PHACTR1: variants seen among roughly 807,000 people sequenced by gnomAD.
PHACTR1 encodes phosphatase and actin regulator 1.
PHACTR1 carries 16 observed loss-of-function variants against 69.2 expected under a neutral mutation model. That is an observed-to-expected ratio of 0.23 (90% confidence interval 0.16 to 0.35). The LOEUF (loss-of-function observed/expected upper bound fraction) is 0.35, where lower values mean the gene tolerates loss of function less well. Among genes scored for constraint, PHACTR1 ranks in the 10% least tolerant of loss-of-function variants. The probability of loss-of-function intolerance (pLI) is 1.00; values close to 1 mark genes in which losing one functional copy is unlikely to be tolerated. For missense variants in PHACTR1, 510 were observed against 734.7 expected, an observed-to-expected ratio of 0.69 and a Z score of 3.54; for synonymous variants, 312 against 284.5, an observed-to-expected ratio of 1.10 and a Z score of -0.97.
At chr6:12,728,949 G>A (rs754914267) in intron 3 of PHACTR1, among the ~76,000 whole-genome samples, 8 of 152,086 alleles carry the variant, frequency 5.3e-5, no homozygotes, top group Non-Finnish European at 1.2e-4. Flanking sequence ...AGTCATATAG[G>A]AATGACTAAA....
At chr6:12,755,820 T>C (rs1767246097) in intron 4 of PHACTR1, among the ~76,000 whole-genome samples, 1 of 152,220 alleles carries the variant, frequency 6.6e-6, no homozygotes. Flanking sequence ...AAGATCTATA[T>C]TTCCCCTTTA....
In PHACTR1 at chr6:13,203,541, A is replaced by G. The variant is rs530904643; in HGVS notation, c.665-2274A>G. Among the ~76,000 whole-genome samples, 4 of 152,286 alleles carry G rather than the reference A, an allele frequency of 2.6e-5. No individual in the cohort carries two copies. In the East Asian group the frequency reaches 5.8e-4, roughly 22 times the overall value. ...CCTGCTATCATCATTAACACGATTA[A>G]CACGGACATAATATGCATCCACGTT... On this transcript the variant is annotated intron_variant, in intron 7 of 14. Transcript: ENST00000332995.
At chr6:12,979,192 G>A (rs551682601) in intron 4 of PHACTR1, among the ~76,000 whole-genome samples, 1 of 152,342 alleles carries the variant, frequency 6.6e-6, no homozygotes, top group Admixed American at 6.5e-5. Flanking sequence ...CCTTTCTTCA[G>A]GTGGAGGAGG....
At chr6:13,028,295 T>C (rs1801984725) in intron 4 of PHACTR1, among the ~76,000 whole-genome samples, 1 of 152,228 alleles carries the variant, frequency 6.6e-6, no homozygotes, top group Non-Finnish European at 1.5e-5. Flanking sequence ...GATTCCTTTG[T>C]GATTTGTTCT....
At chr6:13,217,619 GA>G (rs142661129) in intron 8 of PHACTR1, among the ~76,000 whole-genome samples, 4 of 148,042 alleles carry the variant, frequency 2.7e-5, no homozygotes, top group East Asian at 2.0e-4. Flanking sequence ...TACCACTGCT[GA>G]AAAAAAAAAC....
At chr6:13,224,503 T>C (rs1027094005) in intron 8 of PHACTR1, among the ~76,000 whole-genome samples, 3 of 152,174 alleles carry the variant, frequency 2.0e-5, no homozygotes, top group Non-Finnish European at 2.9e-5. Context: ...CGTGACATTA[T>C]GTTTAAGCTA....
intron 5 of PHACTR1, among the ~76,000 whole-genome samples, chr6:13,114,358 G>A (rs1231825613): frequency 6.6e-6 from 1 of 151,990 alleles, no homozygotes; most frequent in African/African-American, 2.4e-5. Context: ...TCATATTCTT[G>A]GTACATTCTT....
intron 6 of PHACTR1, among the ~76,000 whole-genome samples, chr6:13,177,377 C>CTATA (rs770416066): frequency 2.3e-5 from 3 of 131,582 alleles, no homozygotes; most frequent in Non-Finnish European, 5.0e-5. Context: ...CTCTCTCTCT[C>CTATA]TCTCTATATA....
At chr6:12,958,865 G>A (rs952559912) in intron 4 of PHACTR1, among the ~76,000 whole-genome samples, 15 of 152,116 alleles carry the variant, frequency 9.9e-5, no homozygotes, top group African/African-American at 3.6e-4. Flanking sequence ...TGAGTTGAAT[G>A]TATCTGATAG....
At chr6:13,193,431 A>G (rs1460528497) in intron 7 of PHACTR1, among the ~76,000 whole-genome samples, 3 of 139,684 alleles carry the variant, frequency 2.1e-5, no homozygotes, top group Non-Finnish European at 4.7e-5. Context: ...ATGTTGTCCA[A>G]CTTGGAGTGC....
At chr6:13,147,214 A>C (rs1223530) in intron 5 of PHACTR1, among the ~76,000 whole-genome samples, 143,743 of 152,304 alleles carry the variant, frequency 0.94, 68,233 homozygotes, top group Non-Finnish European at 0.99. Flanking sequence ...TATTTCTCAT[A>C]ATTCTCAGAA....
At chr6:12,949,463 G>A (rs1256125417) in intron 4 of PHACTR1, among the ~76,000 whole-genome samples, 1 of 152,050 alleles carries the variant, frequency 6.6e-6, no homozygotes, top group Admixed American at 6.6e-5. Context: ...CATTGGGAGG[G>A]AAGACTAAGT....
At chr6:12,751,877 C>T (rs1185537624) in intron 4 of PHACTR1, among the ~76,000 whole-genome samples, 1 of 152,208 alleles carries the variant, frequency 6.6e-6, no homozygotes, top group East Asian at 1.9e-4. Context: ...CTGGTCTGTA[C>T]TGCAGTCAGG....
chr6:12,718,702 T>C lies in PHACTR1; in HGVS notation c.-43T>C. ...GATTTTTTTTTCCTCTTTATAGGTGTTCCAGTGTTTTCTCTCAAAACTCTG... is the reference window on the plus strand; with the variant it reads ...GATTTTTTTTTCCTCTTTATAGGTGCTCCAGTGTTTTCTCTCAAAACTCTG... On this transcript the variant is annotated 5_prime_UTR_variant, in exon 3 of 15. Coordinates refer to ENST00000332995, the MANE Select transcript of PHACTR1 (RefSeq NM_030948.6). 9.1e-7 allele frequency: 1 copy of C among 1,099,322 alleles called. No homozygotes were observed. Among genetic ancestry groups the C allele is most frequent in the Non-Finnish European group, 1.3e-6 (1 of 758,218 alleles). The allele number at this position is 1,099,322 out of a possible 1,614,324, so 68.1% of individuals were successfully genotyped here. A position where few individuals can be genotyped will look rare whatever the true frequency, so the allele number is the denominator to read the frequency against.
chr6:12,801,245 T>G (rs1773658875), intron 4 of PHACTR1, among the ~76,000 whole-genome samples: 1 of 152,204 alleles, frequency 6.6e-6, no homozygotes, highest in Admixed American at 6.6e-5. Context: ...AAATGAATCA[T>G]AGAAGAACAC....
chr6:12,758,390 C>A (rs1042312687), intron 4 of PHACTR1, among the ~76,000 whole-genome samples: 8 of 148,784 alleles, frequency 5.4e-5, no homozygotes, highest in African/African-American at 2.0e-4. Flanking sequence ...GAGCAGAGAC[C>A]ATGTGAGCAG....
rs201867496 is a variant in PHACTR1, at chr6:12,856,251, C to CTTTTTTTTTTTT, written c.250+106464_250+106465insTTTTTTTTTTTT. 2.8e-4 allele frequency among the ~76,000 whole-genome samples: 27 copies of CTTTTTTTTTTTT among 95,256 alleles called. 1 individual carries two copies. Among genetic ancestry groups the CTTTTTTTTTTTT allele is most frequent in the African/African-American group, 8.1e-4 (27 of 33,184 alleles). The allele number at this position is 95,256 out of a possible 152,430, so 62.5% of individuals were successfully genotyped here. ...TTCTTTTCTTTTTCTTTCTTTCTTTCTTTCTTTTTTTTTTTTTCTGAGACA... is the reference window on the plus strand; with the variant it reads ...TTCTTTTCTTTTTCTTTCTTTCTTTCTTTTTTTTTTTTTTTCTTTTTTTTTTTTTCTGAGACA... On this transcript the variant is annotated intron_variant, in intron 4 of 14. Coordinates refer to ENST00000332995, the MANE Select transcript of PHACTR1 (RefSeq NM_030948.6).
intron 4 of PHACTR1, among the ~76,000 whole-genome samples, chr6:12,938,019 G>A (rs1472778428): frequency 1.3e-5 from 2 of 152,070 alleles, no homozygotes; most frequent in Admixed American, 1.3e-4. Flanking sequence ...AGAATTACTT[G>A]AACCTAGGAG....
chr6:13,023,036 T>TAATAAA lies in PHACTR1; in HGVS notation c.251-30322_251-30317dup, dbSNP rs1554108077. Among the ~76,000 whole-genome samples, 57 of 151,794 alleles carry TAATAAA rather than the reference T, an allele frequency of 3.8e-4. 1 individual carries two copies. The highest frequency in any genetic ancestry group is 7.1e-4 in the Non-Finnish European group (48 of 67,922). ...TGTCTCAAAATAATAATAATAATAA[T>TAATAAA]AATAAAAATAAAGTACCACTCCTGA... On this transcript the variant is annotated intron_variant, in intron 4 of 14. Coordinates refer to ENST00000332995, the MANE Select transcript of PHACTR1 (RefSeq NM_030948.6).
Sources: allele counts gnomAD v4.1 joint callset (sites outside exome capture counted in the v4.1 genomes callset), GRCh38; gene constraint gnomAD v4.1.1; transcripts MANE v1.5; gene names NCBI Gene and HGNC (gene_info 2026-07-23, HGNC 2026-07-21).